Variants in CNTNAP3B observed in about 807,000 individuals in gnomAD.
CNTNAP3B encodes contactin-associated protein-like 3B.
CNTNAP3B carries 25 observed loss-of-function variants against 108.9 expected under a neutral mutation model. The ratio of observed to expected loss-of-function variants is 0.23; its 90% CI spans 0.17 to 0.32. The LOEUF (loss-of-function observed/expected upper bound fraction) is 0.32, where lower values mean the gene tolerates loss of function less well. Ranked by LOEUF, CNTNAP3B falls within the 10% of genes least tolerant of loss-of-function variation. The probability of loss-of-function intolerance (pLI) is 1.00; values close to 1 mark genes in which losing one functional copy is unlikely to be tolerated. For synonymous variants in CNTNAP3B, 103 were observed against 473.4 expected, an observed-to-expected ratio of 0.22 and a Z score of 10.16; for missense variants, 252 against 1,210.4, an observed-to-expected ratio of 0.21 and a Z score of 11.75.
At position 42,086,870 on chromosome 9, in the gene CNTNAP3B, T is replaced by C. The variant is rs1827715360; in HGVS notation, c.197-9808A>G. On this transcript the variant is annotated intron_variant, in intron 2 of 23. Transcript: ENST00000377561. ...ACTATTCTCCAAGGTGGTGGCACTA[T>C]TTACATTCCCACCAACAAAGTATGA... Among the ~76,000 whole-genome samples, 2 of 100,540 alleles carry C rather than the reference T, an allele frequency of 2.0e-5. 1 individual carries two copies. The highest frequency in any genetic ancestry group is 6.2e-4 in the South Asian group (2 of 3,202). 66.0% of individuals were successfully genotyped at this position (100,540 alleles called of 152,430 possible).
At chr9:41,950,747 C>CTTTTTTTT (rs1196034038) in intron 13 of CNTNAP3B, among the ~76,000 whole-genome samples, 1 of 92,416 alleles carries the variant, frequency 1.1e-5, no homozygotes, top group Admixed American at 1.3e-4. Context: ...AGGAGGAATT[C>CTTTTTTTT]TTTTTTTTTT....
In CNTNAP3B at chr9:41,923,942, GAA is replaced by G. The variant is rs1823738017; in HGVS notation, c.2515_2516del (p.Phe839HisfsTer4). 6.2e-7 allele frequency: 1 copy of G among 1,611,206 alleles called. No individual in the cohort carries two copies. Among genetic ancestry groups the G allele is most frequent in the Non-Finnish European group, 8.5e-7 (1 of 1,179,240 alleles). On this transcript the variant is annotated frameshift_variant, in exon 16 of 24. Coordinates refer to ENST00000377561, the MANE Select transcript of CNTNAP3B (RefSeq NM_001201380.3). LOFTEE classifies it high-confidence loss of function. ...VFMENLGITD[F>X]IRIELRAPTE... is the part of the protein sequence containing the mutation. ...GCCTACCCCGCAGCTCAATCCTGAT[GAA>G]GTCTGTGATCCCCAGGTTCTCCATA...
At chr9:41,950,404 A>G (rs1411952474) in intron 13 of CNTNAP3B, among the ~76,000 whole-genome samples, 5 of 139,026 alleles carry the variant, frequency 3.6e-5, no homozygotes, top group African/African-American at 1.4e-4. Flanking sequence ...CAGAGAAATG[A>G]AAACTAATGT....
intron 3 of CNTNAP3B, among the ~76,000 whole-genome samples, chr9:42,076,554 T>C (rs1468105332): frequency 8.3e-6 from 1 of 120,614 alleles, no homozygotes; most frequent in Non-Finnish European, 1.7e-5. Context: ...TTATTACATT[T>C]TGAAATTTCA....
At chr9:41,947,699 G>C (rs1235744812) in intron 13 of CNTNAP3B, among the ~76,000 whole-genome samples, 1 of 151,770 alleles carries the variant, frequency 6.6e-6, no homozygotes, top group Non-Finnish European at 1.5e-5. Context: ...GATTTCAATA[G>C]AATTTGAAAC....
intron 1 of CNTNAP3B, among the ~76,000 whole-genome samples, chr9:42,113,505 G>T (rs567601114): frequency 7.2e-6 from 1 of 139,186 alleles, no homozygotes; most frequent in Non-Finnish European, 1.5e-5. Flanking sequence ...AAATTAAGTC[G>T]TGCAGAAAGA....
chr9:41,925,651 A>C (rs1823798130), intron 15 of CNTNAP3B, among the ~76,000 whole-genome samples: 1 of 152,148 alleles, frequency 6.6e-6, no homozygotes, highest in Admixed American at 6.5e-5. Flanking sequence ...TTACTAATTT[A>C]TTTGTGTATT....
chr9:41,935,056 TTGGTC>T (rs1429380239), intron 14 of CNTNAP3B, among the ~76,000 whole-genome samples: 1 of 152,220 alleles, frequency 6.6e-6, no homozygotes, highest in African/African-American at 2.4e-5. Context: ...AGAGAATATA[TTGGTC>T]TATTTGAACA....
At chr9:41,929,974 C>T (rs535210274) in intron 14 of CNTNAP3B, among the ~76,000 whole-genome samples, 1 of 152,262 alleles carries the variant, frequency 6.6e-6, no homozygotes, top group East Asian at 1.9e-4. Flanking sequence ...AAGGTAACTT[C>T]CCTTCTAAAA....
At chr9:42,112,679 G>T (rs1828217919) in intron 1 of CNTNAP3B, among the ~76,000 whole-genome samples, 1 of 136,404 alleles carries the variant, frequency 7.3e-6, no homozygotes, top group African/African-American at 3.0e-5. Flanking sequence ...ATTTTGACTT[G>T]TTAAAGAAAA....
intron 13 of CNTNAP3B, among the ~76,000 whole-genome samples, chr9:41,943,370 T>G (rs1426313053): frequency 2.4e-5 from 3 of 126,224 alleles, no homozygotes; most frequent in South Asian, 2.5e-4. Flanking sequence ...TTTTTTTTTT[T>G]GAGATGGAGT....
Position 42,113,507 on chromosome 9 carries a change from G to A in CNTNAP3B, c.86-8768C>T, listed in dbSNP as rs1274305611. The stretch of plus-strand genomic sequence containing the variant: ...AAACCAAATAACAAAATTAAGTCGT[G>A]CAGAAAGACATCAGACACGACACAG... On this transcript the variant is annotated intron_variant, in intron 1 of 23. Transcript: ENST00000377561. Among the ~76,000 whole-genome samples the A allele has an allele frequency of 1.4e-5, 2 of 139,300 alleles. 1 individual carries two copies. Among genetic ancestry groups the A allele is most frequent in the African/African-American group, 5.7e-5 (2 of 35,140 alleles). The allele number at this position is 139,300 out of a possible 152,430, so 91.4% of individuals were successfully genotyped here.
At chr9:41,918,545 T>C (rs1482811497) in intron 18 of CNTNAP3B, among the ~76,000 whole-genome samples, 1 of 144,254 alleles carries the variant, frequency 6.9e-6, no homozygotes, top group African/African-American at 2.7e-5. Flanking sequence ...CTCCACTCTT[T>C]CCATTTCCAT....
chr9:41,967,772 C>A (rs548495857), intron 10 of CNTNAP3B, among the ~76,000 whole-genome samples: 32 of 152,390 alleles, frequency 2.1e-4, no homozygotes, highest in Admixed American at 1.7e-3. Context: ...AGGAGCTAGT[C>A]TTCTACGTTA....
chr9:41,959,510 G>A (rs1343910770), intron 12 of CNTNAP3B, among the ~76,000 whole-genome samples: 1 of 152,290 alleles, frequency 6.6e-6, no homozygotes, highest in African/African-American at 2.4e-5. Context: ...GACAACCAAG[G>A]TCCTTCCTGG....
chr9:42,018,661 G>A (rs1243071890), intron 3 of CNTNAP3B, among the ~76,000 whole-genome samples: 1 of 151,728 alleles, frequency 6.6e-6, no homozygotes, highest in African/African-American at 2.4e-5. Flanking sequence ...CCAGCAGGAT[G>A]CTGACTCCTG....
intron 2 of CNTNAP3B, among the ~76,000 whole-genome samples, chr9:42,085,849 C>G (rs1036939640): frequency 8.4e-5 from 12 of 143,564 alleles, no homozygotes; most frequent in African/African-American, 2.5e-4. Context: ...TAACATTAAG[C>G]AACAATTAAG....
rs1204750162 is a variant in CNTNAP3B, at chr9:41,979,046, G to A, written c.1477+7122C>T. On this transcript the variant is annotated intron_variant, in intron 9 of 23. Coordinates refer to ENST00000377561, the MANE Select transcript of CNTNAP3B (RefSeq NM_001201380.3). Reference sequence around the variant, plus strand: ...ATCCCCAGGTGGGATGTGGGGTCAGGGAGGAACCCAGTAAACAGCCCTGGC... The same window carrying A: ...ATCCCCAGGTGGGATGTGGGGTCAGAGAGGAACCCAGTAAACAGCCCTGGC... Among the ~76,000 whole-genome samples, 3 of 138,588 alleles carry A rather than the reference G, an allele frequency of 2.2e-5. 1 individual carries two copies. The East Asian group carries it at 6.6e-4, about 30-fold the overall frequency. The allele number at this position is 138,588 out of a possible 152,430, so 90.9% of individuals were successfully genotyped here. A position where few individuals can be genotyped will look rare whatever the true frequency, so the allele number is the denominator to read the frequency against.
chr9:41,934,598 TA>T (rs1405244249), intron 14 of CNTNAP3B, among the ~76,000 whole-genome samples: 1 of 152,266 alleles, frequency 6.6e-6, no homozygotes, highest in Admixed American at 6.5e-5. Flanking sequence ...ATCTCAGCAT[TA>T]GATAGAGTTC....
Sources: gnomAD v4.1 joint callset for allele counts (sites outside exome capture counted in the v4.1 genomes callset) on GRCh38, gnomAD v4.1.1 for gene constraint, MANE v1.5 for transcripts, NCBI Gene and HGNC (gene_info 2026-07-23, HGNC 2026-07-21) for gene names.